Variants in PCDHA1 observed in about 807,000 individuals in gnomAD.
The protein encoded by PCDHA1 is protocadherin alpha-1.
Under a neutral mutation model 61.3 loss-of-function variants are expected in PCDHA1, and 42 were observed. That is an observed-to-expected ratio of 0.69 (90% CI 0.54 to 0.89). PCDHA1 has a LOEUF of 0.89. Among genes scored for constraint, PCDHA1 ranks in the 40% least tolerant of loss-of-function variants. The probability of loss-of-function intolerance (pLI) is 0.00; values close to 1 mark genes in which losing one functional copy is unlikely to be tolerated. For synonymous variants in PCDHA1, 610 were observed against 553.8 expected (o/e 1.10, Z -1.43); for missense variants, 1,256 against 1,235.3 (o/e 1.02, Z -0.25).
intron 1 of PCDHA1, among the ~76,000 whole-genome samples, chr5:140,846,468 G>A (rs1461783374): frequency 7.0e-6 from 1 of 142,284 alleles, no homozygotes; most frequent in East Asian, 2.1e-4. Flanking sequence ...TCTGCCTCCC[G>A]GGTTCAAATG....
intron 1 of PCDHA1, among the ~76,000 whole-genome samples, chr5:140,792,872 A>G (rs1403352277): frequency 1.3e-5 from 2 of 152,228 alleles, no homozygotes. Flanking sequence ...CCATCTGTTT[A>G]AGCTCCAGGA....
At chr5:140,843,497 C>G (rs1229435401) in intron 1 of PCDHA1, 5 of 1,596,022 alleles carry the variant, frequency 3.1e-6, no homozygotes, top group Non-Finnish European at 4.3e-6. Context: ...GTGCTCAGCA[C>G]TGCCCACTGA....
At chr5:140,967,547 A>T in intron 1 of PCDHA1, 1 of 1,613,890 alleles carries the variant, frequency 6.2e-7, no homozygotes, top group Non-Finnish European at 8.5e-7. Flanking sequence ...TGACCAGTCC[A>T]CTTATCGCGT....
chr5:140,978,295 A>G (rs1222694864), intron 1 of PCDHA1, among the ~76,000 whole-genome samples: 2 of 152,246 alleles, frequency 1.3e-5, no homozygotes, highest in Non-Finnish European at 2.9e-5. Context: ...GAGGAGGGAA[A>G]GCACTCAGGA....
chr5:140,803,714 A>C (rs782118084), intron 1 of PCDHA1: 1 of 1,505,762 alleles, frequency 6.6e-7, no homozygotes, highest in East Asian at 2.3e-5. Context: ...AGACTTTTCC[A>C]GTTTTGTGGT....
At chr5:140,836,282 G>A in intron 1 of PCDHA1, 2 of 1,613,808 alleles carry the variant, frequency 1.2e-6, no homozygotes, top group Non-Finnish European at 1.7e-6. Context: ...AGATCAGCAC[G>A]ACACGAGCCC....
intron 1 of PCDHA1, chr5:140,804,812 C>A (rs1763464693): frequency 3.1e-6 from 1 of 318,998 alleles, no homozygotes. Context: ...TAGTAACCAA[C>A]TGAAACCTGG....
At chr5:140,881,559 C>G (rs1293330721) in intron 1 of PCDHA1, among the ~76,000 whole-genome samples, 2 of 152,174 alleles carry the variant, frequency 1.3e-5, no homozygotes, top group Admixed American at 6.5e-5. Context: ...ATATAAATAT[C>G]TTATCTACAT....
rs139450702 is a variant in PCDHA1 at position 140,830,109 on chromosome 5, G to A, written c.2394+41425G>A. The stretch of plus-strand genomic sequence containing the variant: ...GTTCTGGTGTCGCTGGTGGAGAGTG[G>A]CCAGGCTCCAAAGGCGTCATCACGG... On this transcript the variant is annotated intron_variant, in intron 1 of 3. Coordinates refer to ENST00000504120, the MANE Select transcript of PCDHA1 (RefSeq NM_018900.4). The A allele has an allele frequency of 4.0e-5, 65 of 1,613,456 alleles. No homozygotes were observed. The East Asian group carries it at 7.6e-4, about 19-fold the overall frequency.
At chr5:140,865,274 A>G (rs1465243720) in intron 1 of PCDHA1, 5 of 152,220 alleles carry the variant, frequency 3.3e-5, no homozygotes, top group African/African-American at 1.2e-4. Flanking sequence ...AATTATATGT[A>G]AAATTACTTT....
At chr5:140,871,224 C>G (rs1554165289) in intron 1 of PCDHA1, 3 of 1,613,902 alleles carry the variant, frequency 1.9e-6, no homozygotes. Context: ...GCGTGGTGTC[C>G]AGCCTCCTGG....
At chr5:140,823,986 T>C (rs782505154) in intron 1 of PCDHA1, 1 of 1,613,742 alleles carries the variant, frequency 6.2e-7, no homozygotes, top group Non-Finnish European at 8.5e-7. Flanking sequence ...GCAAGCCCAC[T>C]CTGTTGTGCT....
At chr5:140,862,674 C>G (rs782474067) in intron 1 of PCDHA1, 12 of 549,972 alleles carry the variant, frequency 2.2e-5, no homozygotes, top group African/African-American at 3.8e-5. Flanking sequence ...CGCAGGAGAA[C>G]GTGCTGGTGT....
chr5:140,998,491 A>G (rs994652769), intron 3 of PCDHA1, among the ~76,000 whole-genome samples: 15 of 152,288 alleles, frequency 9.8e-5, no homozygotes, highest in African/African-American at 3.1e-4. Flanking sequence ...TAACTCTTTG[A>G]GAACAGGGTA....
chr5:140,850,053 C>T, intron 1 of PCDHA1: 4 of 1,596,534 alleles, frequency 2.5e-6, no homozygotes, highest in Non-Finnish European at 3.4e-6. Context: ...GGTGTACGCG[C>T]TGCAGCCGTT....
In PCDHA1 at chr5:140,943,486, T is replaced by C. The variant is rs573341102; in HGVS notation, c.2395-35463T>C. Among the ~76,000 whole-genome samples the C allele has an allele frequency of 2.6e-5, 4 of 152,178 alleles. No homozygotes were observed. The South Asian group carries it at 8.3e-4, about 32-fold the overall frequency. Reference sequence around the variant, plus strand: ...GTGGGAGATACAGTAAAATAATAAATAGATGCTATCAAGGTTCATGGAAAT... The same window carrying C: ...GTGGGAGATACAGTAAAATAATAAACAGATGCTATCAAGGTTCATGGAAAT... On this transcript the variant is annotated intron_variant, in intron 1 of 3. Coordinates refer to ENST00000504120, the MANE Select transcript of PCDHA1 (RefSeq NM_018900.4).
chr5:140,862,882 G>T (rs782187514), intron 1 of PCDHA1: 2 of 564,526 alleles, frequency 3.5e-6, no homozygotes, highest in Non-Finnish European at 6.8e-6. Flanking sequence ...TATTAGTGCT[G>T]GAACGACAAC....
intron 1 of PCDHA1, chr5:140,821,797 A>G: frequency 6.2e-7 from 1 of 1,613,014 alleles, no homozygotes; most frequent in Non-Finnish European, 8.5e-7. Context: ...CCGGAGAGGA[A>G]GTCTGGGATC....
Position 140,858,234 on chromosome 5 carries a change from C to T in PCDHA1, c.2394+69550C>T, listed in dbSNP as rs782153266. 3 of 1,596,216 alleles carry T rather than the reference C, an allele frequency of 1.9e-6. No homozygotes were observed. The highest frequency in any genetic ancestry group is 3.4e-5 in the Admixed American group (2 of 59,220). ...TGCTCGGCGGCGCCCACCGAGGGCGCATGTGGGCCGGTGAAGCCCACGCTG... is the reference window on the plus strand; with the variant it reads ...TGCTCGGCGGCGCCCACCGAGGGCGTATGTGGGCCGGTGAAGCCCACGCTG... On this transcript the variant is annotated intron_variant, in intron 1 of 3. Coordinates refer to ENST00000504120, the MANE Select transcript of PCDHA1 (RefSeq NM_018900.4).
Sources: allele counts gnomAD v4.1 joint callset (sites outside exome capture counted in the v4.1 genomes callset), GRCh38; gene constraint gnomAD v4.1.1; transcripts MANE v1.5; gene names NCBI Gene and HGNC (gene_info 2026-07-23, HGNC 2026-07-21).